The following C5 variants were observed in gnomAD, a reference collection of about 807,000 sequenced individuals.
C5 encodes C3 and PZP-like alpha-2-macroglobulin domain-containing protein 4.
Under a neutral mutation model 218.8 loss-of-function variants are expected in C5, and 140 were observed. The ratio of observed to expected loss-of-function variants is 0.64; its 90% CI spans 0.56 to 0.74. The LOEUF (loss-of-function observed/expected upper bound fraction) is 0.74, where lower values mean the gene tolerates loss of function less well. Ranked by LOEUF, C5 falls within the 30% of genes least tolerant of loss-of-function variation. The probability of loss-of-function intolerance (pLI) is 0.00; values close to 1 mark genes in which losing one functional copy is unlikely to be tolerated. For missense variants in C5, 1,700 were observed against 1,969.6 expected (o/e 0.86, Z 2.59); for synonymous variants, 614 against 682.3 (o/e 0.90, Z 1.56).
At chr9:121,039,361 G>A (rs984741085) in intron 3 of C5, among the ~76,000 whole-genome samples, 2 of 152,100 alleles carry the variant, frequency 1.3e-5, no homozygotes, top group East Asian at 1.9e-4. Context: ...CTTATTGGCC[G>A]GGTGCAGTGG....
Position 121,017,477 on chromosome 9 carries a change from G to A in C5, c.1751C>T (p.Pro584Leu). 1 of 1,613,832 alleles carries A rather than the reference G, an allele frequency of 6.2e-7. No homozygotes were observed. Among genetic ancestry groups the A allele is most frequent in the East Asian group, 2.2e-5 (1 of 44,886 alleles). The change falls in exon 14 of 41, where the codon CCA (proline) becomes CTA (leucine). Residue 584 changes from proline to leucine, a missense_variant. Transcript: ENST00000223642. ...CATATTAAGAGACACAGTTTGGCCT[G>A]GAGAATATGCATCTGCATCAGGAGA... ...HLSPDADAYS[P>L]GQTVSLNMAT...
intron 30 of C5, 96 bp downstream of exon 30, chr9:120,974,683 A>T (rs2046939437): frequency 8.8e-7 from 1 of 1,131,778 alleles, no homozygotes; most frequent in South Asian, 1.2e-5. Flanking sequence ...TATATGTTTA[A>T]GTAGTGAAGA....
chr9:120,956,155 G>A (rs1232047675), intron 39 of C5, among the ~76,000 whole-genome samples: 4 of 152,036 alleles, frequency 2.6e-5, no homozygotes, highest in Non-Finnish European at 5.9e-5. Flanking sequence ...TAAGTCAGGC[G>A]TGGTGGTGCA....
At chr9:121,028,871 T>A (rs978023031) in intron 7 of C5, among the ~76,000 whole-genome samples, 4 of 152,126 alleles carry the variant, frequency 2.6e-5, no homozygotes, top group African/African-American at 7.2e-5. Context: ...CATGCACTAT[T>A]ACATTTCATC....
intron 37 of C5, among the ~76,000 whole-genome samples, 156 bp downstream of exon 37, chr9:120,961,326 C>G (rs2046825668): frequency 1.3e-5 from 2 of 152,144 alleles, no homozygotes; most frequent in South Asian, 4.1e-4. Flanking sequence ...TGTAGTTTTA[C>G]AATGCTCAAG....
At chr9:120,983,245 A>G (rs1212965280) in intron 25 of C5, among the ~76,000 whole-genome samples, 1 of 152,160 alleles carries the variant, frequency 6.6e-6, no homozygotes, top group Non-Finnish European at 1.5e-5. Context: ...CCCTTTCCCA[A>G]TGTCCCTGGA....
chr9:120,953,854 C>A lies in C5; in HGVS notation c.4777G>T (p.Glu1593Ter). The A allele has an allele frequency of 6.2e-7, 1 of 1,614,080 alleles. No homozygotes were observed. Among genetic ancestry groups the A allele is most frequent in the Non-Finnish European group, 8.5e-7 (1 of 1,179,940 alleles). The stretch of plus-strand genomic sequence containing the variant: ...ATGAAGGTAATCTCAGAGTCTTTCT[C>A]AGCAACAGCTTCCCCTGAGAGACAT... Reference protein sequence around the residue: ...DIYKTGEAVAEKDSEITFIKK... With the variant: ...DIYKTGEAVA The change falls in exon 40 of 41, where the codon GAG becomes TAG. Residue 1593 changes from glutamate (E) to a stop codon, truncating the protein, a stop_gained. Coordinates refer to ENST00000223642, the MANE Select transcript of C5 (RefSeq NM_001735.3). LOFTEE classifies it high-confidence loss of function.
At chr9:121,039,635 T>TAAATAA (rs1483755759) in intron 3 of C5, among the ~76,000 whole-genome samples, 2 of 152,004 alleles carry the variant, frequency 1.3e-5, no homozygotes, top group Non-Finnish European at 2.9e-5. Flanking sequence ...AGACACTCAC[T>TAAATAA]AAATAAAAAT....
At chr9:120,965,258 T>G (rs1169554399) in intron 33 of C5, among the ~76,000 whole-genome samples, 1 of 152,078 alleles carries the variant, frequency 6.6e-6, no homozygotes, top group African/African-American at 2.4e-5. Flanking sequence ...GTGCGGTGGC[T>G]CACACCTGTC....
At chr9:121,040,253 C>T (rs543547942) in intron 3 of C5, among the ~76,000 whole-genome samples, 1 of 152,158 alleles carries the variant, frequency 6.6e-6, no homozygotes, top group Non-Finnish European at 1.5e-5. Flanking sequence ...GCATGTTACA[C>T]AGGCCTTAAT....
intron 25 of C5, 22 bp from the exon 26 acceptor site, chr9:120,982,836 A>G: frequency 1.4e-6 from 2 of 1,397,488 alleles, no homozygotes; most frequent in Non-Finnish European, 1.0e-6. Context: ...AATCAAATAA[A>G]TAAATATTTA....
At chr9:120,964,657 C>T (rs962431348) in intron 33 of C5, among the ~76,000 whole-genome samples, 2 of 151,986 alleles carry the variant, frequency 1.3e-5, no homozygotes, top group East Asian at 1.9e-4. Context: ...GGAATTTAAG[C>T]GGAAATGCAA....
chr9:120,977,919 T>G (rs2046965076), intron 28 of C5, among the ~76,000 whole-genome samples: 1 of 152,158 alleles, frequency 6.6e-6, no homozygotes, highest in African/African-American at 2.4e-5. Context: ...AATACTTTCT[T>G]CCATGCAGTG....
chr9:121,006,103 C>A (rs1435582500), intron 19 of C5, 45 bp from the exon 20 acceptor site: 1 of 1,599,466 alleles, frequency 6.3e-7, no homozygotes, highest in Non-Finnish European at 8.6e-7. Context: ...TTAGGAAATT[C>A]CTATAATGTT....
At chr9:120,997,478 TC>T (rs41309894) in intron 21 of C5, 68 bp downstream of exon 21, 1,854 of 1,124,928 alleles carry the variant, frequency 1.6e-3, no homozygotes, top group Non-Finnish European at 2.2e-3. Flanking sequence ...ATTGTTTCTC[TC>T]CCCCCCCTTT....
chr9:121,054,203 T>C (rs1039211296), upstream of C5, among the ~76,000 whole-genome samples: 8 of 152,078 alleles, frequency 5.3e-5, no homozygotes, highest in Non-Finnish European at 1.0e-4. Flanking sequence ...CAAAACAGAC[T>C]CTGTGGCAAT....
chr9:120,960,153 A>G, intron 38 of C5, 95 bp downstream of exon 38: 1 of 794,794 alleles, frequency 1.3e-6, no homozygotes, highest in Non-Finnish European at 2.2e-6. Flanking sequence ...TGTTGTATTC[A>G]TATAATCACT....
intron 1 of C5, 61 bp downstream of exon 1, chr9:121,050,121 T>C: frequency 7.7e-7 from 1 of 1,298,014 alleles, no homozygotes; most frequent in Non-Finnish European, 1.1e-6. Context: ...CTGTTAAATT[T>C]AACTCTTCAT....
Position 121,021,521 on chromosome 9 carries a change from C to T in C5, c.1290G>A (p.Val430=), listed in dbSNP as rs754207507. 6.2e-6 allele frequency: 10 copies of T among 1,613,132 alleles called. No individual in the cohort carries two copies. The highest frequency in any genetic ancestry group is 8.5e-6 in the Non-Finnish European group (10 of 1,179,152). ...FVLNLPSGVT[V]LEFNVKTDAP... ...GAATTCAGCTCACATTAAACTCCAG[C>T]ACCGTCACTCCAGATGGGAGATTAA... The change falls in exon 11 of 41, where the codon GTG becomes GTA. Residue 430 remains valine, a synonymous_variant. Coordinates refer to ENST00000223642, the MANE Select transcript of C5 (RefSeq NM_001735.3).
Sources: gnomAD v4.1 joint callset for allele counts (sites outside exome capture counted in the v4.1 genomes callset) on GRCh38, gnomAD v4.1.1 for gene constraint, MANE v1.5 for transcripts, NCBI Gene and HGNC (gene_info 2026-07-23, HGNC 2026-07-21) for gene names.